The following CD302 variants were observed in gnomAD, a reference collection of about 807,000 sequenced individuals.
CD302 encodes CD302 molecule, also known as CD302 antigen.
Under a neutral mutation model 26.5 loss-of-function variants are expected in CD302, and 23 were observed. The observed-to-expected ratio is 0.87, with a 90% confidence interval of 0.62 to 1.23. The LOEUF is 1.23. Among genes scored for constraint, CD302 ranks in the 50% most tolerant of loss-of-function variants. CD302 has a pLI of 0.00. For missense variants in CD302, 290 were observed against 275.5 expected, an observed-to-expected ratio of 1.05 and a Z score of -0.37; for synonymous variants, 90 against 99.4, an observed-to-expected ratio of 0.91 and a Z score of 0.56.
chr2:159,779,428 A>C (rs1160837795), intron 4 of CD302, among the ~76,000 whole-genome samples: 1 of 152,022 alleles, frequency 6.6e-6, no homozygotes, highest in Non-Finnish European at 1.5e-5. Context: ...TGCTCACTCA[A>C]ATCACATGCA....
At chr2:159,778,789 G>T (rs1297048968) in intron 4 of CD302, among the ~76,000 whole-genome samples, 1 of 152,106 alleles carries the variant, frequency 6.6e-6, no homozygotes, top group Non-Finnish European at 1.5e-5. Flanking sequence ...TTACAAGCAT[G>T]AGCCACTGTA....
rs1372503069 is a variant in CD302 at position 159,769,888 on chromosome 2, A to G, written c.*1963T>C. The stretch of plus-strand genomic sequence containing the variant: ...TTCTATAATGTATGTTGCCCAGTAC[A>G]GTAGCCACTAACCACCTGTGATTTG... On this transcript the variant is annotated 3_prime_UTR_variant, in exon 6 of 6. Transcript: ENST00000259053. 1 of 152,250 alleles carries G rather than the reference A, an allele frequency of 6.6e-6. No homozygotes were observed. Among genetic ancestry groups the G allele is most frequent in the Non-Finnish European group, 1.5e-5 (1 of 68,038 alleles). 9.4% of individuals were successfully genotyped at this position (152,250 alleles called of 1,614,324 possible). A position where few individuals can be genotyped will look rare whatever the true frequency, so the allele number is the denominator to read the frequency against.
At chr2:159,788,412 C>A (rs561219019) in intron 1 of CD302, among the ~76,000 whole-genome samples, 17 of 152,324 alleles carry the variant, frequency 1.1e-4, no homozygotes, top group African/African-American at 4.1e-4. Context: ...TACTGCAGAG[C>A]AATAGGCTCC....
intron 1 of CD302, among the ~76,000 whole-genome samples, chr2:159,797,404 T>C (rs775133518): frequency 3.9e-5 from 6 of 152,330 alleles, no homozygotes; most frequent in Non-Finnish European, 8.8e-5. Context: ...CATGCTTGTA[T>C]GGAAATTTTT....
intron 1 of CD302, among the ~76,000 whole-genome samples, chr2:159,784,428 T>C (rs1319410504): frequency 7.5e-6 from 1 of 132,616 alleles, no homozygotes; most frequent in African/African-American, 2.8e-5. Flanking sequence ...CGATCTCAGC[T>C]CACTGCAGCC....
rs1460699085 is a variant in CD302 at position 159,788,280 on chromosome 2, T to A, written c.68-4811A>T. Reference sequence around the variant, plus strand: ...TAGACTATATATGGCAGGGTTCCCATGAGGTTATAATACCATTATTTTTAC... The same window carrying A: ...TAGACTATATATGGCAGGGTTCCCAAGAGGTTATAATACCATTATTTTTAC... On this transcript the variant is annotated intron_variant, in intron 1 of 5. Coordinates refer to ENST00000259053, the MANE Select transcript of CD302 (RefSeq NM_014880.5). Among the ~76,000 whole-genome samples the A allele has an allele frequency of 2.0e-5, 3 of 152,340 alleles. No individual in the cohort carries two copies. In the East Asian group the frequency reaches 5.8e-4, roughly 29 times the overall value.
chr2:159,779,189 C>CCACCG (rs143859102), intron 4 of CD302, among the ~76,000 whole-genome samples: 45,371 of 141,070 alleles, frequency 0.32, 9,110 homozygotes, highest in Admixed American at 0.49. Flanking sequence ...CAAGATCGCG[C>CCACCG]CACCGCACTC....
chr2:159,787,426 T>C (rs1431579549), intron 1 of CD302, among the ~76,000 whole-genome samples: 1 of 152,254 alleles, frequency 6.6e-6, no homozygotes, highest in Admixed American at 6.5e-5. Flanking sequence ...TTTTTTGTAT[T>C]AAACATTTTA....
chr2:159,793,921 A>G (rs1194871698), intron 1 of CD302, among the ~76,000 whole-genome samples: 1 of 152,110 alleles, frequency 6.6e-6, no homozygotes, highest in Non-Finnish European at 1.5e-5. Flanking sequence ...CTCTTTGGGC[A>G]TCACTGGTCT....
chr2:159,793,790 A>C (rs1244295403), intron 1 of CD302, among the ~76,000 whole-genome samples: 1 of 151,622 alleles, frequency 6.6e-6, no homozygotes, highest in African/African-American at 2.4e-5. Context: ...TCTCCATATC[A>C]CTCTTCCCAA....
At chr2:159,784,854 G>C (rs1358036079) in intron 1 of CD302, among the ~76,000 whole-genome samples, 1 of 152,106 alleles carries the variant, frequency 6.6e-6, no homozygotes, top group African/African-American at 2.4e-5. Context: ...TGGCCACCAA[G>C]CTAGATTGCT....
At chr2:159,781,066 A>G in intron 2 of CD302, 68 bp from the exon 3 acceptor site, 1 of 1,249,960 alleles carries the variant, frequency 8.0e-7, no homozygotes, top group Admixed American at 2.3e-5. Flanking sequence ...TAGGTACATA[A>G]AAATAATAAA....
intron 5 of CD302, among the ~76,000 whole-genome samples, chr2:159,777,675 G>C (rs1054345251): frequency 1.3e-5 from 2 of 152,040 alleles, no homozygotes; most frequent in African/African-American, 4.8e-5. Context: ...ATGACACTTA[G>C]GGAAAAAATT....
At chr2:159,774,442 C>T (rs959702272) in intron 5 of CD302, among the ~76,000 whole-genome samples, 22 of 152,092 alleles carry the variant, frequency 1.4e-4, no homozygotes, top group Admixed American at 5.2e-4. Context: ...CATCTGAGGC[C>T]CGAACTATAC....
chr2:159,771,915 G>A lies in CD302; in HGVS notation c.635C>T (p.Pro212Leu). The change falls in exon 6 of 6, where the codon CCT becomes CTT. Residue 212 changes from proline to leucine, a missense_variant. Physicochemically the swap from Pro to Leu is moderately conservative, Grantham distance 98. Coordinates refer to ENST00000259053, the MANE Select transcript of CD302 (RefSeq NM_014880.5). ...TACCAAAACACAGTCTTCATTATAA[G>A]GTGATTGGGGTGCGGTTGAAAAAAC... is the stretch of plus-strand genomic sequence containing the variant. ...TTVFSTAPQS[P>L]YNEDCVLVVG... 2 of 1,613,974 alleles carry A rather than the reference G, an allele frequency of 1.2e-6. No homozygotes were observed. The highest frequency in any genetic ancestry group is 1.7e-6 in the Non-Finnish European group (2 of 1,179,924).
intron 1 of CD302, among the ~76,000 whole-genome samples, chr2:159,796,430 A>G (rs1195018063): frequency 4.6e-5 from 7 of 152,226 alleles, no homozygotes; most frequent in Non-Finnish European, 5.9e-5. Flanking sequence ...AAGAGAATAA[A>G]GGGAAGGAAA....
At chr2:159,773,931 A>G (rs1347024169) in intron 5 of CD302, among the ~76,000 whole-genome samples, 5 of 152,202 alleles carry the variant, frequency 3.3e-5, no homozygotes, top group Non-Finnish European at 1.5e-5. Context: ...GGAAACAGCA[A>G]ACACTGAAAC....
intron 1 of CD302, 41 bp downstream of exon 1, chr2:159,798,091 G>T (rs1233157049): frequency 1.6e-5 from 24 of 1,486,164 alleles, no homozygotes; most frequent in Non-Finnish European, 2.1e-5. Flanking sequence ...GGGCGAAGGC[G>T]GTCGCGCACG....
rs1277137114 is a variant in CD302, at chr2:159,769,147, G to C, written c.*2704C>G. ...ACCATACACTGCTCACTACAAGAAT[G>C]CAATTTTCTAAGAAAATGTAGTTTA... On this transcript the variant is annotated 3_prime_UTR_variant, in exon 6 of 6. Coordinates refer to ENST00000259053, the MANE Select transcript of CD302 (RefSeq NM_014880.5). 1 of 152,152 alleles carries C rather than the reference G, an allele frequency of 6.6e-6. No homozygotes were observed. The highest frequency in any genetic ancestry group is 1.5e-5 in the Non-Finnish European group (1 of 68,010). 9.4% of individuals were successfully genotyped at this position (152,152 alleles called of 1,614,324 possible). A position where few individuals can be genotyped will look rare whatever the true frequency, so the allele number is the denominator to read the frequency against.
Sources: gnomAD v4.1 joint callset for allele counts (sites outside exome capture counted in the v4.1 genomes callset) on GRCh38, gnomAD v4.1.1 for gene constraint, MANE v1.5 for transcripts, NCBI Gene and HGNC (gene_info 2026-07-23, HGNC 2026-07-21) for gene names.